The following STK32B variants were observed in gnomAD, a reference collection of about 807,000 sequenced individuals.
The protein encoded by STK32B is serine/threonine kinase 32B, also known as serine/threonine-protein kinase 32B.
In STK32B, 43 loss-of-function variants were observed where a neutral mutation model predicts 52.6. That is an observed-to-expected ratio of 0.82 (90% CI 0.64 to 1.05). The LOEUF (loss-of-function observed/expected upper bound fraction) is 1.05. Among genes scored for constraint, STK32B ranks in the 50% least tolerant of loss-of-function variants. The probability of loss-of-function intolerance (pLI) is 0.00; values close to 1 mark genes in which losing one functional copy is unlikely to be tolerated. For missense variants in STK32B, 621 were observed against 534.6 expected (o/e 1.16, Z -1.59); for synonymous variants, 238 against 204.3 (o/e 1.17, Z -1.41).
At chr4:5,059,351 G>A (rs1742131159) in intron 1 of STK32B, among the ~76,000 whole-genome samples, 1 of 152,054 alleles carries the variant, frequency 6.6e-6, no homozygotes, top group Admixed American at 6.6e-5. Flanking sequence ...CATTGTTATT[G>A]TAGATACCCT....
chr4:5,063,247 A>G (rs1202822464), intron 1 of STK32B, among the ~76,000 whole-genome samples: 1 of 152,214 alleles, frequency 6.6e-6, no homozygotes, highest in Non-Finnish European at 1.5e-5. Context: ...CTACATCAGC[A>G]CTGTTCTATA....
chr4:5,135,052 A>G (rs916091267), intron 1 of STK32B, among the ~76,000 whole-genome samples: 12 of 152,244 alleles, frequency 7.9e-5, no homozygotes, highest in South Asian at 2.1e-4. Context: ...AGTGTGATCA[A>G]TCACCATCAA....
chr4:5,084,424 TATG>T (rs2108777852), intron 1 of STK32B, among the ~76,000 whole-genome samples: 1 of 152,282 alleles, frequency 6.6e-6, no homozygotes, highest in Admixed American at 6.5e-5. Context: ...TTCAGTAAAT[TATG>T]ATAATTCCCT....
chr4:5,346,636 A>G (rs1233445612), intron 4 of STK32B, among the ~76,000 whole-genome samples: 2 of 152,180 alleles, frequency 1.3e-5, no homozygotes, highest in Admixed American at 6.5e-5. Flanking sequence ...ATCTTGTTCT[A>G]GCTCAGAGAC....
chr4:5,440,638 T>C (rs1210390043), intron 6 of STK32B, among the ~76,000 whole-genome samples: 7 of 152,232 alleles, frequency 4.6e-5, no homozygotes, highest in African/African-American at 9.6e-5. Context: ...CCTCCAACAC[T>C]ATGTTGAATA....
chr4:5,193,406 C>G (rs1419009585), intron 3 of STK32B, among the ~76,000 whole-genome samples: 1 of 152,188 alleles, frequency 6.6e-6, no homozygotes, highest in Non-Finnish European at 1.5e-5. Context: ...TGGAGTACTT[C>G]CCCCAGGATC....
At chr4:5,263,513 A>G (rs1413063515) in intron 3 of STK32B, among the ~76,000 whole-genome samples, 2 of 152,188 alleles carry the variant, frequency 1.3e-5, no homozygotes, top group Non-Finnish European at 2.9e-5. Context: ...TCCCCAAAAT[A>G]CAGCTGCCAC....
At chr4:5,487,226 G>A (rs1394933170) in intron 11 of STK32B, among the ~76,000 whole-genome samples, 2 of 152,114 alleles carry the variant, frequency 1.3e-5, no homozygotes, top group African/African-American at 4.8e-5. Context: ...GTAACAAAAA[G>A]GCCAGAAGGA....
intron 1 of STK32B, among the ~76,000 whole-genome samples, chr4:5,134,138 G>C (rs1446741558): frequency 6.6e-6 from 1 of 152,200 alleles, no homozygotes; most frequent in Non-Finnish European, 1.5e-5. Flanking sequence ...TGTGACAGTG[G>C]TGAATCAGAG....
At chr4:5,373,092 T>C (rs988760361) in intron 4 of STK32B, among the ~76,000 whole-genome samples, 1 of 152,082 alleles carries the variant, frequency 6.6e-6, no homozygotes, top group Non-Finnish European at 1.5e-5. Context: ...GGAGAAAGCT[T>C]TGAAACTGTG....
intron 4 of STK32B, among the ~76,000 whole-genome samples, chr4:5,355,611 C>T (rs186842082): frequency 2.5e-4 from 38 of 152,260 alleles, no homozygotes; most frequent in African/African-American, 8.9e-4. Flanking sequence ...CTGTCCTGTG[C>T]ACTGTGGGAT....
In STK32B at chr4:5,051,827, G is replaced by A. The variant is rs747946459; in HGVS notation, c.-37G>A. On this transcript the variant is annotated 5_prime_UTR_variant, in exon 1 of 12. Transcript: ENST00000282908. The stretch of plus-strand genomic sequence containing the variant: ...CCCACATCCCGCATCCGGCATCCCA[G>A]CGGCCGGGCATGTAGCAGCGGCAGC... The A allele has an allele frequency of 1.1e-5, 18 of 1,575,944 alleles. No individual in the cohort carries two copies. Among genetic ancestry groups the A allele is most frequent in the Non-Finnish European group, 1.5e-5 (17 of 1,161,812 alleles).
intron 2 of STK32B, among the ~76,000 whole-genome samples, chr4:5,150,447 G>T (rs555755361): frequency 1.1e-4 from 17 of 152,190 alleles, no homozygotes; most frequent in African/African-American, 4.1e-4. Context: ...TGGACATTGT[G>T]GGTGTTATTT....
rs139281428 is a variant in STK32B at position 5,142,521 on chromosome 4, A to G, written c.108+2561A>G. ...CAGAATCTCATTCCTGAGTTTTGCT[A>G]TATGCACATTTAACAGTGTTGGGCA... On this transcript the variant is annotated intron_variant, in intron 2 of 11. Coordinates refer to ENST00000282908, the MANE Select transcript of STK32B (RefSeq NM_018401.3). 4.6e-3 allele frequency among the ~76,000 whole-genome samples: 708 copies of G among 152,324 alleles called. 2 individuals are homozygous for G. The highest frequency in any genetic ancestry group is 0.014 in the Middle Eastern group (4 of 294).
intron 3 of STK32B, among the ~76,000 whole-genome samples, chr4:5,184,413 G>C (rs1289750159): frequency 1.3e-5 from 2 of 152,080 alleles, no homozygotes; most frequent in Non-Finnish European, 1.5e-5. Flanking sequence ...CAAAACAATT[G>C]TAGTAGTAAT....
At chr4:5,259,772 A>C (rs1316221314) in intron 3 of STK32B, among the ~76,000 whole-genome samples, 1 of 152,174 alleles carries the variant, frequency 6.6e-6, no homozygotes, top group African/African-American at 2.4e-5. Flanking sequence ...GATGCACTCT[A>C]GTCAGGGAGA....
At position 5,150,854 on chromosome 4, in the gene STK32B, A is replaced by T. The variant is rs1277722437; in HGVS notation, c.108+10894A>T. ...TAACAAAACAAAAATATTTTAGAGT[A>T]GTGTCTCATCTTAATGTTGAGATTT... On this transcript the variant is annotated intron_variant, in intron 2 of 11. Coordinates refer to ENST00000282908, the MANE Select transcript of STK32B (RefSeq NM_018401.3). Among the ~76,000 whole-genome samples, 8 of 152,312 alleles carry T rather than the reference A, an allele frequency of 5.3e-5. 1 individual carries two copies. In the South Asian group the frequency reaches 1.2e-3, roughly 24 times the overall value.
Position 5,455,036 on chromosome 4 carries a change from CAATT to C in STK32B, c.667-1768_667-1765del, listed in dbSNP as rs753780112. 4.6e-5 allele frequency among the ~76,000 whole-genome samples: 7 copies of C among 152,150 alleles called. 1 individual carries two copies. The highest frequency in any genetic ancestry group is 2.6e-4 in the Admixed American group (4 of 15,280). On this transcript the variant is annotated intron_variant, in intron 7 of 11. Transcript: ENST00000282908. Reference sequence around the variant, plus strand: ...ACGGTGAAATGGACAGGTCCTCACTCAATTAACAGATAAGAGAGAAGGTGCCACT... The same window carrying C: ...ACGGTGAAATGGACAGGTCCTCACTCAACAGATAAGAGAGAAGGTGCCACT...
intron 11 of STK32B, among the ~76,000 whole-genome samples, chr4:5,479,289 T>A (rs1010360801): frequency 1.3e-5 from 2 of 151,808 alleles, no homozygotes; most frequent in Admixed American, 6.6e-5. Flanking sequence ...CCAGCTAATT[T>A]TGTATTTTTA....
Sources: allele counts gnomAD v4.1 joint callset (sites outside exome capture counted in the v4.1 genomes callset), GRCh38; gene constraint gnomAD v4.1.1; transcripts MANE v1.5; gene names NCBI Gene and HGNC (gene_info 2026-07-23, HGNC 2026-07-21).